GMPR: variants seen among roughly 807,000 people sequenced by gnomAD.
GMPR encodes the protein GMP reductase 1.
In GMPR, 31 loss-of-function variants were observed where a neutral mutation model predicts 38.4. The ratio of observed to expected loss-of-function variants is 0.81; its 90% CI spans 0.61 to 1.09. The LOEUF (loss-of-function observed/expected upper bound fraction) is 1.09, where lower values mean the gene tolerates loss of function less well. GMPR is among the 50% of genes least tolerant of loss of function. The pLI is 0.00. For synonymous variants in GMPR, 162 were observed against 173.3 expected, an observed-to-expected ratio of 0.93 and a Z score of 0.51; for missense variants, 468 against 453.7, an observed-to-expected ratio of 1.03 and a Z score of -0.29.
chr6:16,289,042 C>T (rs951242124), intron 7 of GMPR, among the ~76,000 whole-genome samples: 4 of 152,190 alleles, frequency 2.6e-5, no homozygotes, highest in South Asian at 4.1e-4. Flanking sequence ...CAGTGGCAAA[C>T]CCTTCTGGCT....
chr6:16,239,159 C>A (rs948104007), intron 1 of GMPR, among the ~76,000 whole-genome samples: 2 of 152,128 alleles, frequency 1.3e-5, no homozygotes, highest in Non-Finnish European at 2.9e-5. Flanking sequence ...CTGCAGATCC[C>A]GGTGATTTTT....
Position 16,267,529 on chromosome 6 carries a change from T to C in GMPR, c.466-6886T>C, listed in dbSNP as rs563665533. On this transcript the variant is annotated intron_variant, in intron 4 of 8. Coordinates refer to ENST00000259727, the MANE Select transcript of GMPR (RefSeq NM_006877.4). ...AAGGTCTGCGGCTTCACTCCTGAAG[T>C]CAGCAAGACCATGAACCCACCAGAA... 7.9e-5 allele frequency among the ~76,000 whole-genome samples: 12 copies of C among 152,140 alleles called. No homozygotes were observed. In the South Asian group the frequency reaches 2.5e-3, roughly 32 times the overall value.
At chr6:16,259,499 T>G (rs940356290) in intron 4 of GMPR, 13 of 151,806 alleles carry the variant, frequency 8.6e-5, no homozygotes, top group South Asian at 2.1e-4. Context: ...TGAAAATTTT[T>G]GGGGATGGTA....
intron 4 of GMPR, among the ~76,000 whole-genome samples, chr6:16,267,295 C>T (rs1668257814): frequency 6.6e-6 from 1 of 152,088 alleles, no homozygotes; most frequent in Admixed American, 6.5e-5. Context: ...TTGCATGAAC[C>T]TGGGAGGTGG....
chr6:16,247,075 T>C (rs374885877), intron 2 of GMPR, 114 bp downstream of exon 2: 1 of 967,262 alleles, frequency 1.0e-6, no homozygotes, highest in East Asian at 2.6e-5. Flanking sequence ...TGAGCTGCTT[T>C]GGGTCATTCT....
At chr6:16,278,104 C>T (rs78340215) in intron 5 of GMPR, among the ~76,000 whole-genome samples, 8 of 152,192 alleles carry the variant, frequency 5.3e-5, no homozygotes, top group East Asian at 1.9e-4. Flanking sequence ...AAGTGAACCT[C>T]GGGCTAGGCT....
chr6:16,253,526 G>A (rs984568557), intron 3 of GMPR, among the ~76,000 whole-genome samples: 5 of 152,114 alleles, frequency 3.3e-5, no homozygotes, highest in Non-Finnish European at 7.3e-5. Context: ...TGTGAACTCA[G>A]ACCGAGAGAT....
chr6:16,282,025 A>C (rs1360499574), intron 6 of GMPR, among the ~76,000 whole-genome samples: 1 of 152,238 alleles, frequency 6.6e-6, no homozygotes, highest in Non-Finnish European at 1.5e-5. Context: ...ACTTGCCAGT[A>C]GCCCTGAACC....
intron 4 of GMPR, among the ~76,000 whole-genome samples, chr6:16,260,318 T>C (rs1394428316): frequency 6.6e-6 from 1 of 151,918 alleles, no homozygotes; most frequent in Non-Finnish European, 1.5e-5. Context: ...TAAAGGCTGG[T>C]CTGTTATCAG....
intron 3 of GMPR, among the ~76,000 whole-genome samples, chr6:16,250,884 A>G (rs1758860237): frequency 7.5e-6 from 1 of 134,112 alleles, no homozygotes; most frequent in Admixed American, 7.5e-5. Context: ...TTTTAAAAAA[A>G]AAAAAGACAA....
intron 4 of GMPR, among the ~76,000 whole-genome samples, chr6:16,258,308 G>A (rs898437756): frequency 1.3e-5 from 2 of 152,242 alleles, no homozygotes; most frequent in Non-Finnish European, 2.9e-5. Flanking sequence ...CTGCTGTGGG[G>A]TGTAGTTCAC....
chr6:16,293,097 T>A (rs916070447), intron 8 of GMPR, among the ~76,000 whole-genome samples: 1 of 152,150 alleles, frequency 6.6e-6, no homozygotes. Flanking sequence ...CTTTGACAAA[T>A]TACTTATGGC....
At chr6:16,246,502 G>A (rs1452203652) in intron 1 of GMPR, among the ~76,000 whole-genome samples, 1 of 152,218 alleles carries the variant, frequency 6.6e-6, no homozygotes, top group Non-Finnish European at 1.5e-5. Context: ...TGGTTGGCAA[G>A]GAAGAGTGGA....
At chr6:16,294,762 T>C (rs1166079401) in intron 8 of GMPR, among the ~76,000 whole-genome samples, 1 of 152,188 alleles carries the variant, frequency 6.6e-6, no homozygotes, top group Non-Finnish European at 1.5e-5. Context: ...GACTTTCCTC[T>C]CCGCAACATG....
intron 7 of GMPR, among the ~76,000 whole-genome samples, chr6:16,288,883 T>C (rs564514296): frequency 6.6e-6 from 1 of 152,344 alleles, no homozygotes; most frequent in African/African-American, 2.4e-5. Flanking sequence ...ATCTAGCTAA[T>C]CTGGTGGGGA....
chr6:16,259,638 A>G (rs1384398222), intron 4 of GMPR, among the ~76,000 whole-genome samples: 2 of 151,962 alleles, frequency 1.3e-5, no homozygotes, highest in African/African-American at 4.8e-5. Flanking sequence ...TGGGACTGTT[A>G]GAAGAAACAT....
chr6:16,285,863 GGGAA>G (rs754901723), intron 7 of GMPR, 28 bp downstream of exon 7: 26 of 1,583,914 alleles, frequency 1.6e-5, no homozygotes, highest in Non-Finnish European at 1.6e-5. Flanking sequence ...TGCAGAGGGA[GGGAA>G]GGAAGGAAGG....
rs566477207 is a variant in GMPR at position 16,265,946 on chromosome 6, C to T, written c.466-8469C>T. Among the ~76,000 whole-genome samples, 217 of 152,282 alleles carry T rather than the reference C, an allele frequency of 1.4e-3. 1 individual carries two copies. The highest frequency in any genetic ancestry group is 1.2e-3 in the African/African-American group (49 of 41,570). Reference sequence around the variant, plus strand: ...CCTGAAGTCAGTGAGACCACGAAGCCACCCGCCGGGAGAAAGGAACAATTG... The same window carrying T: ...CCTGAAGTCAGTGAGACCACGAAGCTACCCGCCGGGAGAAAGGAACAATTG... On this transcript the variant is annotated intron_variant, in intron 4 of 8. Transcript: ENST00000259727.
chr6:16,252,556 G>C (rs1319670348), intron 3 of GMPR, among the ~76,000 whole-genome samples: 2 of 152,146 alleles, frequency 1.3e-5, no homozygotes, highest in African/African-American at 4.8e-5. Context: ...CCTTCTTTAA[G>C]GGAGTTTTTG....
Sources: allele counts gnomAD v4.1 joint callset (sites outside exome capture counted in the v4.1 genomes callset), GRCh38; gene constraint gnomAD v4.1.1; transcripts MANE v1.5; gene names NCBI Gene and HGNC (gene_info 2026-07-23, HGNC 2026-07-21).